TLK1: variants seen among roughly 807,000 people sequenced by gnomAD.
TLK1 encodes the protein serine/threonine-protein kinase tousled-like 1.
Under a neutral mutation model 105.3 loss-of-function variants are expected in TLK1, and 24 were observed. That is an observed-to-expected ratio of 0.23 (90% confidence interval 0.17 to 0.32). The LOEUF (loss-of-function observed/expected upper bound fraction) is 0.32, where lower values mean the gene tolerates loss of function less well. Among genes scored for constraint, TLK1 ranks in the 10% least tolerant of loss-of-function variants. The pLI is 1.00. For synonymous variants in TLK1, 321 were observed against 310.4 expected, an observed-to-expected ratio of 1.03 and a Z score of -0.36; for missense variants, 558 against 910.5, an observed-to-expected ratio of 0.61 and a Z score of 4.98.
In TLK1 at chr2:170,992,710, C is replaced by T. The variant is rs1286191142; in HGVS notation, c.*1070G>A. On this transcript the variant is annotated 3_prime_UTR_variant, in exon 21 of 21. Coordinates refer to ENST00000431350, the MANE Select transcript of TLK1 (RefSeq NM_012290.5). ...CTTTTTAATATCTATGATGTACAGTCAACTTGCACCTTCTAGGTCATTTAA... is the reference window on the plus strand; with the variant it reads ...CTTTTTAATATCTATGATGTACAGTTAACTTGCACCTTCTAGGTCATTTAA... 1 of 152,536 alleles carries T rather than the reference C, an allele frequency of 6.6e-6. No homozygotes were observed. Among genetic ancestry groups the T allele is most frequent in the Non-Finnish European group, 1.5e-5 (1 of 67,992 alleles). 9.4% of individuals were successfully genotyped at this position (152,536 alleles called of 1,614,324 possible).
intron 2 of TLK1, among the ~76,000 whole-genome samples, chr2:171,111,930 T>A (rs1256255885): frequency 6.7e-6 from 1 of 148,572 alleles, no homozygotes; most frequent in Non-Finnish European, 1.5e-5. Context: ...ATGTATTAAA[T>A]CCAATAAATG....
intron 3 of TLK1, among the ~76,000 whole-genome samples, chr2:171,073,066 T>C (rs1386984453): frequency 2.0e-5 from 3 of 152,232 alleles, no homozygotes; most frequent in Admixed American, 1.3e-4. Context: ...AATATTGATT[T>C]TGTATCCTGC....
chr2:171,038,641 A>G (rs1049429323), intron 11 of TLK1, among the ~76,000 whole-genome samples: 1 of 152,168 alleles, frequency 6.6e-6, no homozygotes, highest in African/African-American at 2.4e-5. Context: ...GGGAACATAT[A>G]TAATGGTTTC....
chr2:171,036,698 C>A (rs1019585136), intron 11 of TLK1, among the ~76,000 whole-genome samples: 1 of 152,178 alleles, frequency 6.6e-6, no homozygotes, highest in Non-Finnish European at 1.5e-5. Context: ...TTCAGTTTCA[C>A]AGATGAAGAA....
At chr2:171,218,746 C>A (rs1157501201) in intron 1 of TLK1, among the ~76,000 whole-genome samples, 1 of 152,150 alleles carries the variant, frequency 6.6e-6, no homozygotes, top group Non-Finnish European at 1.5e-5. Context: ...GGGGCAAATA[C>A]TGTGTGAAGT....
intron 1 of TLK1, among the ~76,000 whole-genome samples, chr2:171,150,850 C>T (rs1349006347): frequency 3.3e-5 from 5 of 152,134 alleles, no homozygotes; most frequent in South Asian, 2.1e-4. Flanking sequence ...GTTGTTATTA[C>T]GTGTAACCAA....
rs1231435831 is a variant in TLK1 at position 171,065,318 on chromosome 2, C to G, written c.331-4162G>C. Reference sequence around the variant, plus strand: ...GCCTCACTGAATAGACAACAAAAATCAGGTATCATCATCTCTAATAAAATC... The same window carrying G: ...GCCTCACTGAATAGACAACAAAAATGAGGTATCATCATCTCTAATAAAATC... On this transcript the variant is annotated intron_variant, in intron 3 of 20. Coordinates refer to ENST00000431350, the MANE Select transcript of TLK1 (RefSeq NM_012290.5). 2.6e-5 allele frequency among the ~76,000 whole-genome samples: 4 copies of G among 152,126 alleles called. No homozygotes were observed. In the East Asian group the frequency reaches 7.7e-4, roughly 29 times the overall value.
intron 1 of TLK1, among the ~76,000 whole-genome samples, chr2:171,213,450 A>T (rs1478345526): frequency 3.3e-5 from 5 of 150,986 alleles, no homozygotes; most frequent in Non-Finnish European, 7.4e-5. Context: ...CAGTCCTCTC[A>T]CCTCGACCTC....
intron 1 of TLK1, among the ~76,000 whole-genome samples, chr2:171,151,628 C>T (rs928141695): frequency 1.3e-5 from 2 of 152,032 alleles, no homozygotes; most frequent in Admixed American, 1.3e-4. Context: ...GCGCCCACCA[C>T]CACGCCCAGC....
chr2:171,187,057 CAAAAAAAAAA>C (rs71013019), intron 1 of TLK1, among the ~76,000 whole-genome samples: 7 of 34,058 alleles, frequency 2.1e-4, no homozygotes, highest in Admixed American at 1.2e-3. Flanking sequence ...GACTCTGTCT[CAAAAAAAAAA>C]AAAAAAAAAA....
At chr2:171,215,045 A>G (rs974649115) in intron 1 of TLK1, among the ~76,000 whole-genome samples, 5 of 152,008 alleles carry the variant, frequency 3.3e-5, no homozygotes, top group African/African-American at 1.2e-4. Context: ...GGTTCAAGCA[A>G]TCCTCCCATC....
intron 12 of TLK1, among the ~76,000 whole-genome samples, chr2:171,024,438 T>G (rs1685678907): frequency 6.6e-6 from 1 of 152,074 alleles, no homozygotes; most frequent in Non-Finnish European, 1.5e-5. Flanking sequence ...GAAAAATAAT[T>G]AACTTAAAAC....
At chr2:171,144,224 C>G (rs1691703964) in intron 1 of TLK1, among the ~76,000 whole-genome samples, 1 of 150,026 alleles carries the variant, frequency 6.7e-6, no homozygotes, top group African/African-American at 2.5e-5. Flanking sequence ...AAGCCAAGAA[C>G]AATAGTTGGA....
chr2:171,084,590 A>C (rs1001935459), intron 2 of TLK1, among the ~76,000 whole-genome samples: 1 of 152,196 alleles, frequency 6.6e-6, no homozygotes, highest in Non-Finnish European at 1.5e-5. Flanking sequence ...CAGGAAATCC[A>C]ATTTCACATG....
intron 1 of TLK1, among the ~76,000 whole-genome samples, chr2:171,176,386 C>T (rs1452706524): frequency 6.6e-6 from 1 of 152,162 alleles, no homozygotes; most frequent in Non-Finnish European, 1.5e-5. Context: ...GCTCCAACCT[C>T]GGCTAGCATG....
At chr2:171,178,852 T>C (rs1692879019) in intron 1 of TLK1, among the ~76,000 whole-genome samples, 1 of 152,266 alleles carries the variant, frequency 6.6e-6, no homozygotes, top group African/African-American at 2.4e-5. Flanking sequence ...CTTAACATTA[T>C]CAAAACAGTC....
chr2:171,143,419 T>C (rs944847475), intron 1 of TLK1, among the ~76,000 whole-genome samples: 1 of 148,210 alleles, frequency 6.7e-6, no homozygotes, highest in African/African-American at 2.5e-5. Flanking sequence ...GGCATGAGAA[T>C]TGTTTGAACC....
rs147980472 is a variant in TLK1 at position 171,220,445 on chromosome 2, AG to A, written c.-6+10699del. On this transcript the variant is annotated intron_variant, in intron 1 of 20. Transcript: ENST00000521943. ...GTATGATTTCCAGACAAAGTCATAA[AG>A]GATGTTACGGTTTCTGCCTTGCTGC... Among the ~76,000 whole-genome samples, 865 of 152,344 alleles carry A rather than the reference AG, an allele frequency of 5.7e-3. 51 individuals carry two copies. In the East Asian group the frequency reaches 0.15, roughly 27 times the overall value.
chr2:171,160,669 C>A lies in TLK1; in HGVS notation c.-241G>T, dbSNP rs540987432. On this transcript the variant is annotated 5_prime_UTR_variant, in exon 1 of 21. Coordinates refer to ENST00000431350, the MANE Select transcript of TLK1 (RefSeq NM_012290.5). The surrounding 1 kb of genome is among the most constrained non-coding windows in gnomAD (Gnocchi z 4.4). ...GGGGAGAAGCGAGGGAGCGAGCGGG[C>A]GCGCCAGAGGAGAGGAGGAGGAAAG... The A allele has an allele frequency of 4.4e-5, 26 of 592,112 alleles. No individual in the cohort carries two copies. In the Admixed American group the frequency reaches 4.7e-4, roughly 11 times the overall value. 36.7% of individuals were successfully genotyped at this position (592,112 alleles called of 1,614,324 possible). A position where few individuals can be genotyped will look rare whatever the true frequency, so the allele number is the denominator to read the frequency against.
Sources: gnomAD v4.1 joint callset for allele counts (sites outside exome capture counted in the v4.1 genomes callset) on GRCh38, gnomAD v4.1.1 for gene constraint, Gnocchi (gnomAD v3.1) non-coding constraint, MANE v1.5 for transcripts, NCBI Gene and HGNC (gene_info 2026-07-23, HGNC 2026-07-21) for gene names.